Variants in NLN observed in about 807,000 individuals in gnomAD.
NLN encodes the protein neurolysin, mitochondrial.
NLN carries 64 observed loss-of-function variants against 79.9 expected under a neutral mutation model. That is an observed-to-expected ratio of 0.80 (90% CI 0.65 to 0.99). The LOEUF is 0.99. NLN is among the 50% of genes least tolerant of loss of function. The pLI, the probability that NLN is intolerant of heterozygous loss-of-function variation, is 0.00. For synonymous variants in NLN, 267 were observed against 296.6 expected (o/e 0.90, Z 1.02); for missense variants, 835 against 858.7 (o/e 0.97, Z 0.34).
chr5:65,814,656 C>T (rs1760628541), intron 12 of NLN, among the ~76,000 whole-genome samples: 1 of 152,134 alleles, frequency 6.6e-6, no homozygotes, highest in Non-Finnish European at 1.5e-5. Flanking sequence ...AGTACCTTCT[C>T]TCATTACCTT....
chr5:65,810,234 G>C, intron 11 of NLN, 69 bp downstream of exon 11: 1 of 1,367,826 alleles, frequency 7.3e-7, no homozygotes, highest in Non-Finnish European at 1.0e-6. Context: ...CACTGCAGGG[G>C]AGATGGAGTT....
intron 3 of NLN, among the ~76,000 whole-genome samples, chr5:65,776,271 T>G (rs979377700): frequency 6.6e-6 from 1 of 152,198 alleles, no homozygotes; most frequent in East Asian, 1.9e-4. Flanking sequence ...AAAATAATTT[T>G]TTAGCAGGCA....
intron 1 of NLN, among the ~76,000 whole-genome samples, chr5:65,748,943 G>A (rs1482137003): frequency 1.3e-5 from 2 of 152,094 alleles, no homozygotes. Flanking sequence ...GGAACCCAAT[G>A]GGAGGTCATT....
chr5:65,777,566 A>T, intron 4 of NLN, 32 bp downstream of exon 4: 1 of 1,342,108 alleles, frequency 7.5e-7, no homozygotes, highest in Non-Finnish European at 1.1e-6. Flanking sequence ...TTATCAGAAA[A>T]AAAAAATGAA....
intron 9 of NLN, among the ~76,000 whole-genome samples, chr5:65,808,718 T>C (rs1760476468): frequency 6.6e-6 from 1 of 152,240 alleles, no homozygotes; most frequent in Non-Finnish European, 1.5e-5. Context: ...TCGTTTGTTT[T>C]TACCAGGAGT....
chr5:65,817,870 T>G (rs1439772944), intron 12 of NLN, among the ~76,000 whole-genome samples: 1 of 152,218 alleles, frequency 6.6e-6, no homozygotes, highest in Admixed American at 6.5e-5. Flanking sequence ...AACAGAATCT[T>G]AGGCCCAATT....
chr5:65,744,834 C>T (rs112533368), intron 1 of NLN, among the ~76,000 whole-genome samples: 83 of 152,178 alleles, frequency 5.5e-4, no homozygotes, highest in African/African-American at 1.9e-3. Flanking sequence ...AAAATCATGC[C>T]ATTGCACTCC....
At chr5:65,768,228 A>G (rs749923035) in intron 3 of NLN, among the ~76,000 whole-genome samples, 7 of 152,148 alleles carry the variant, frequency 4.6e-5, no homozygotes, top group Non-Finnish European at 8.8e-5. Context: ...AATACCTGAG[A>G]CTAGGTAATT....
At chr5:65,756,855 A>C (rs1759230934) in intron 1 of NLN, among the ~76,000 whole-genome samples, 2 of 152,140 alleles carry the variant, frequency 1.3e-5, no homozygotes. Flanking sequence ...AAATGACCTT[A>C]CTTACCTTTT....
chr5:65,812,149 TTC>T, intron 11 of NLN, 104 bp from the exon 12 acceptor site: 4 of 884,680 alleles, frequency 4.5e-6, no homozygotes, highest in Non-Finnish European at 7.5e-6. Flanking sequence ...ATGTCATTCA[TTC>T]TCTCCTCCCA....
intron 1 of NLN, among the ~76,000 whole-genome samples, chr5:65,757,523 A>G (rs1759246446): frequency 6.6e-6 from 1 of 152,214 alleles, no homozygotes. Flanking sequence ...ATTTTGAACC[A>G]TGCCTGAACA....
intron 6 of NLN, 58 bp downstream of exon 6, chr5:65,781,479 T>G (rs1416879736): frequency 5.2e-5 from 68 of 1,313,642 alleles, no homozygotes; most frequent in Non-Finnish European, 7.2e-5. Context: ...GAAAAGGGTT[T>G]ACTTTGTTCA....
chr5:65,781,423 T>G lies in NLN; in HGVS notation c.822+2T>G. ...GCTTTTAATACAAGGTGCAAAGAGG[T>G]ATTATAAATGTTTGTCTTTCTTTTG... On this transcript the variant is annotated splice_donor_variant, in intron 6 of 12. Transcript: ENST00000380985. LOFTEE classifies it high-confidence loss of function. 3.1e-6 allele frequency: 5 copies of G among 1,589,934 alleles called. No homozygotes were observed. The Middle Eastern group carries it at 5.1e-4, about 163-fold the overall frequency.
At chr5:65,756,796 C>A (rs1759229946) in intron 1 of NLN, among the ~76,000 whole-genome samples, 1 of 152,148 alleles carries the variant, frequency 6.6e-6, no homozygotes, top group Non-Finnish European at 1.5e-5. Flanking sequence ...AGCCACGGTG[C>A]CTGGCCAAGG....
intron 3 of NLN, among the ~76,000 whole-genome samples, chr5:65,774,469 T>C (rs534033814): frequency 7.9e-4 from 120 of 152,110 alleles, no homozygotes; most frequent in Admixed American, 2.6e-3. Context: ...AGAAAATCCT[T>C]GGGCAGTAAT....
Position 65,785,760 on chromosome 5 carries a change from G to A in NLN, c.823-15G>A. On this transcript the variant is annotated splice_polypyrimidine_tract_variant and intron_variant, in intron 6 of 12. Coordinates refer to ENST00000380985, the MANE Select transcript of NLN (RefSeq NM_020726.5). ...ATTGATTAGCCTTTATTTTGTTGCT[G>A]TTGTTTATTACTAGGAAAACACCAT... 1 of 1,610,878 alleles carries A rather than the reference G, an allele frequency of 6.2e-7. No individual in the cohort carries two copies.
chr5:65,774,247 T>C (rs1185403585), intron 3 of NLN, among the ~76,000 whole-genome samples: 2 of 152,144 alleles, frequency 1.3e-5, no homozygotes, highest in African/African-American at 2.4e-5. Context: ...AATTAAATCT[T>C]GTCACCACAG....
At chr5:65,807,668 G>C (rs1052442976) in intron 9 of NLN, among the ~76,000 whole-genome samples, 2 of 152,136 alleles carry the variant, frequency 1.3e-5, no homozygotes, top group African/African-American at 4.8e-5. Flanking sequence ...TCGAACTCCT[G>C]ACCTCAGGTG....
chr5:65,781,375 A>C lies in NLN; in HGVS notation c.776A>C (p.Glu259Ala), dbSNP rs766932101. ...FPVMKKCCIP[E>A]TRRRMEMAFN... ...GTCATGAAGAAATGTTGTATCCCTG[A>C]AACCAGAAGAAGGATGGAAATGGCT... is the stretch of plus-strand genomic sequence containing the variant. The change falls in exon 6 of 13, where the codon GAA (glutamate) becomes GCA (alanine). Residue 259 changes from glutamate to alanine, a missense_variant. Glu to Ala is a moderately radical substitution (Grantham distance 107). Coordinates refer to ENST00000380985, the MANE Select transcript of NLN (RefSeq NM_020726.5). The C allele has an allele frequency of 4.3e-6, 7 of 1,609,458 alleles. No individual in the cohort carries two copies. The highest frequency in any genetic ancestry group is 6.0e-6 in the Non-Finnish European group (7 of 1,175,992).
Sources: gnomAD v4.1 joint callset for allele counts (sites outside exome capture counted in the v4.1 genomes callset) on GRCh38, gnomAD v4.1.1 for gene constraint, MANE v1.5 for transcripts, NCBI Gene and HGNC (gene_info 2026-07-23, HGNC 2026-07-21) for gene names.